The following SYNE2 variants were observed in gnomAD, a reference collection of about 807,000 sequenced individuals.
The protein encoded by SYNE2 is spectrin repeat containing nuclear envelope protein 2.
Under a neutral mutation model 856.3 loss-of-function variants are expected in SYNE2, and 431 were observed. The ratio of observed to expected loss-of-function variants is 0.50; its 90% confidence interval spans 0.47 to 0.55. The LOEUF (loss-of-function observed/expected upper bound fraction) is 0.55, where lower values mean the gene tolerates loss of function less well. Ranked by LOEUF, SYNE2 falls within the 20% of genes least tolerant of loss-of-function variation. The probability of loss-of-function intolerance (pLI) is 0.00; values close to 1 mark genes in which losing one functional copy is unlikely to be tolerated. For synonymous variants in SYNE2, 2,923 were observed against 2,872.3 expected, an observed-to-expected ratio of 1.02 and a Z score of -0.56; for missense variants, 8,129 against 8,023.2, an observed-to-expected ratio of 1.01 and a Z score of -0.50.
chr14:63,855,741 T>C (rs1277496255), intron 1 of SYNE2, among the ~76,000 whole-genome samples: 3 of 152,260 alleles, frequency 2.0e-5, no homozygotes, highest in Non-Finnish European at 4.4e-5. Context: ...GCTTGTTTAT[T>C]GTCTGTCTTT....
At chr14:64,186,623 G>A in intron 97 of SYNE2, 44 bp downstream of exon 97, 1 of 1,613,108 alleles carries the variant, frequency 6.2e-7, no homozygotes, top group Non-Finnish European at 8.5e-7. Context: ...GGAGTGGATT[G>A]AAATGTCTCT....
chr14:63,765,809 T>C (rs1886659371), intron 1 of SYNE2, among the ~76,000 whole-genome samples: 1 of 152,130 alleles, frequency 6.6e-6, no homozygotes, highest in African/African-American at 2.4e-5. Context: ...TAAGTTTCAT[T>C]TTGCATCTTC....
At chr14:63,973,453 G>A (rs568308851) in intron 11 of SYNE2, among the ~76,000 whole-genome samples, 1 of 151,862 alleles carries the variant, frequency 6.6e-6, no homozygotes, top group East Asian at 1.9e-4. Context: ...TCAACATGGT[G>A]AAACCTCGTC....
At chr14:64,185,334 C>G (rs143151887) in intron 96 of SYNE2, among the ~76,000 whole-genome samples, 75 of 152,016 alleles carry the variant, frequency 4.9e-4, no homozygotes, top group African/African-American at 1.7e-3. Context: ...GGAGTGAAGA[C>G]CCTTAAAATG....
At position 64,004,282 on chromosome 14, in the gene SYNE2, C is replaced by T. The variant is rs1272610886; in HGVS notation, c.4397+952C>T. ...ATCTCTCGACCTCGTGATCCACCTG[C>T]CTTGGCCTCCTAAAGTGCTGGGATT... is the stretch of plus-strand genomic sequence containing the variant. On this transcript the variant is annotated intron_variant, in intron 30 of 115. Coordinates refer to ENST00000555002, the MANE Select transcript of SYNE2 (RefSeq NM_182914.3). Among the ~76,000 whole-genome samples, 4 of 151,428 alleles carry T rather than the reference C, an allele frequency of 2.6e-5. No homozygotes were observed. In the East Asian group the frequency reaches 7.8e-4, roughly 29 times the overall value.
At chr14:64,165,581 C>T (rs1208762850) in intron 90 of SYNE2, among the ~76,000 whole-genome samples, 171 bp downstream of exon 90, 2 of 151,292 alleles carry the variant, frequency 1.3e-5, no homozygotes, top group South Asian at 2.1e-4. Context: ...GGCACGATCT[C>T]GGCTCACTGC....
In SYNE2 at chr14:64,056,200, A is replaced by C; in HGVS notation, c.10001A>C (p.Gln3334Pro). 1.2e-6 allele frequency: 2 copies of C among 1,614,156 alleles called. No individual in the cohort carries two copies. The highest frequency in any genetic ancestry group is 1.7e-6 in the Non-Finnish European group (2 of 1,180,008). ...EAKLQLQYTL[Q>P]ELVSKNSAMK... ...AAACTACAACTTCAGTATACTTTAC[A>C]GGAACTAGTTTCTAAGAACTCAGCA... The change falls in exon 49 of 116, where the codon CAG (glutamine) becomes CCG (proline). Residue 3334 changes from glutamine to proline, a missense_variant. Physicochemically the swap from Gln to Pro is moderately conservative, Grantham distance 76. Around this residue, in one of 3 missense-constraint regions of SYNE2, gnomAD observed 5,410 missense variants for 5,284.8 expected, o/e 1.02. Transcript: ENST00000555002.
intron 19 of SYNE2, among the ~76,000 whole-genome samples, chr14:63,989,014 G>A (rs1324589536): frequency 6.6e-6 from 1 of 152,160 alleles, no homozygotes; most frequent in Non-Finnish European, 1.5e-5. Context: ...GTGAAAAGTG[G>A]TATCTCACTT....
chr14:63,924,448 G>A (rs1252788024), intron 2 of SYNE2, among the ~76,000 whole-genome samples: 1 of 152,148 alleles, frequency 6.6e-6, no homozygotes, highest in Non-Finnish European at 1.5e-5. Context: ...GATCAAGTTG[G>A]AAAGTATTGC....
chr14:63,918,664 T>A (rs1566797431), intron 2 of SYNE2, among the ~76,000 whole-genome samples: 1 of 151,960 alleles, frequency 6.6e-6, no homozygotes, highest in Non-Finnish European at 1.5e-5. Flanking sequence ...GCGCTTTTGC[T>A]GCTGTCTTGT....
intron 2 of SYNE2, among the ~76,000 whole-genome samples, chr14:63,938,671 C>T (rs2095861813): frequency 6.6e-6 from 1 of 151,956 alleles, no homozygotes; most frequent in Admixed American, 6.6e-5. Flanking sequence ...AGCAAAGCTG[C>T]CACTTGAGAG....
chr14:63,924,308 TAATTC>T (rs2095634176), intron 2 of SYNE2, among the ~76,000 whole-genome samples: 1 of 152,172 alleles, frequency 6.6e-6, no homozygotes, highest in African/African-American at 2.4e-5. Flanking sequence ...TCTTCCAACT[TAATTC>T]TTTTCAACAT....
At chr14:64,053,959 ACT>A (rs896609676) in intron 48 of SYNE2, among the ~76,000 whole-genome samples, 1 of 152,068 alleles carries the variant, frequency 6.6e-6, no homozygotes, top group African/African-American at 2.4e-5. Context: ...ACCAAGTGAG[ACT>A]CTGTCTCAAA....
chr14:64,210,353 T>A (rs186737710), intron 103 of SYNE2, among the ~76,000 whole-genome samples: 2 of 152,348 alleles, frequency 1.3e-5, no homozygotes, highest in Non-Finnish European at 2.9e-5. Context: ...GAGATTTGCG[T>A]TACCAACGCA....
chr14:63,871,206 A>ATT (rs754457622), intron 1 of SYNE2, among the ~76,000 whole-genome samples: 4 of 141,566 alleles, frequency 2.8e-5, no homozygotes, highest in Admixed American at 7.1e-5. Context: ...GGAGATTTGA[A>ATT]TTTTTTTTTT....
chr14:63,922,577 C>G (rs1035564504), intron 2 of SYNE2, among the ~76,000 whole-genome samples: 2 of 152,128 alleles, frequency 1.3e-5, no homozygotes, highest in African/African-American at 4.8e-5. Context: ...ATAGCTTGAG[C>G]TCAGGAGTTT....
Position 63,869,299 on chromosome 14 carries a change from G to A in SYNE2, c.-52+16156G>A, listed in dbSNP as rs889608126. ...ATTAAAGTTGATGTTTAAATATCAC[G>A]TCTCTTCTGAGCCCCTACTTTTTCA... On this transcript the variant is annotated intron_variant, in intron 1 of 115. Coordinates refer to ENST00000555002, the MANE Select transcript of SYNE2 (RefSeq NM_182914.3). Among the ~76,000 whole-genome samples the A allele has an allele frequency of 5.3e-5, 8 of 152,204 alleles. No homozygotes were observed. In the South Asian group the frequency reaches 1.2e-3, roughly 24 times the overall value.
intron 2 of SYNE2, among the ~76,000 whole-genome samples, chr14:63,919,975 T>TTTTTTTTTG (rs1566800968): frequency 1.3e-5 from 2 of 149,032 alleles, no homozygotes; most frequent in African/African-American, 5.0e-5. Context: ...AAGGTAAGTT[T>TTTTTTTTTG]TTTTTTTTTT....
intron 27 of SYNE2, among the ~76,000 whole-genome samples, chr14:64,000,041 A>T (rs980588609): frequency 2.0e-5 from 3 of 152,220 alleles, no homozygotes; most frequent in African/African-American, 7.2e-5. Context: ...CTGATTGCTG[A>T]TCTGTCAGTA....
Sources: gnomAD v4.1 joint callset for allele counts (sites outside exome capture counted in the v4.1 genomes callset) on GRCh38, gnomAD v4.1.1 for gene constraint, gnomAD v4.1.1 regional missense constraint, MANE v1.5 for transcripts, NCBI Gene and HGNC (gene_info 2026-07-23, HGNC 2026-07-21) for gene names.